LRP1B: variants seen among roughly 807,000 people sequenced by gnomAD.
LRP1B encodes LDL receptor related protein 1B.
In LRP1B, 217 loss-of-function variants were observed where a neutral mutation model predicts 556.6. The observed-to-expected ratio is 0.39, with a 90% CI of 0.35 to 0.44. The LOEUF (loss-of-function observed/expected upper bound fraction) is 0.44. LRP1B is among the 20% of genes least tolerant of loss of function. The pLI is 1.00. For synonymous variants in LRP1B, 2,047 were observed against 1,865.8 expected, an observed-to-expected ratio of 1.10 and a Z score of -2.50; for missense variants, 5,053 against 5,620.8, an observed-to-expected ratio of 0.90 and a Z score of 3.23.
In LRP1B at chr2:140,446,653, T is replaced by C. The variant is rs111725964; in HGVS notation, c.10058-1974A>G. On this transcript the variant is annotated intron_variant, in intron 63 of 90. Coordinates refer to ENST00000389484, the MANE Select transcript of LRP1B (RefSeq NM_018557.3). ...AAGCTGTTAACCCATCAACTACAAG[T>C]AAAAGCCTATTTGCTCTACTAAAAG... 5.0e-3 allele frequency among the ~76,000 whole-genome samples: 760 copies of C among 152,052 alleles called. 9 individuals carry two copies. The highest frequency in any genetic ancestry group is 0.016 in the African/African-American group (655 of 41,498).
At chr2:140,794,618 C>CT (rs113754359) in intron 32 of LRP1B, among the ~76,000 whole-genome samples, 12,316 of 144,002 alleles carry the variant, frequency 0.086, 570 homozygotes, top group African/African-American at 0.13. Context: ...TAGCCACTTT[C>CT]TTTTTTTTTT....
At chr2:140,555,591 A>G (rs1277102228) in intron 43 of LRP1B, among the ~76,000 whole-genome samples, 1 of 152,152 alleles carries the variant, frequency 6.6e-6, no homozygotes, top group Non-Finnish European at 1.5e-5. Context: ...TGAATATTGT[A>G]GGAGTTAAAT....
intron 86 of LRP1B, among the ~76,000 whole-genome samples, chr2:140,265,960 C>G (rs10469592): frequency 0.96 from 146,719 of 152,086 alleles, 71,007 homozygotes; most frequent in Middle Eastern, 1. Flanking sequence ...GTAAAACAAG[C>G]ATAATCTTAC....
intron 2 of LRP1B, among the ~76,000 whole-genome samples, chr2:141,620,010 T>C (rs927062329): frequency 2.6e-5 from 4 of 152,176 alleles, no homozygotes; most frequent in Admixed American, 6.5e-5. Context: ...CTGGAGAGCG[T>C]GGTGCAATCA....
At chr2:142,091,742 T>A (rs985495381) in intron 1 of LRP1B, among the ~76,000 whole-genome samples, 3 of 152,194 alleles carry the variant, frequency 2.0e-5, no homozygotes, top group Non-Finnish European at 4.4e-5. Flanking sequence ...AGACGTATCA[T>A]AATTGGTCTA....
At chr2:141,496,822 G>A (rs966011349) in intron 2 of LRP1B, among the ~76,000 whole-genome samples, 3 of 151,918 alleles carry the variant, frequency 2.0e-5, no homozygotes, top group African/African-American at 4.8e-5. Flanking sequence ...TATAAAATGT[G>A]AGAAATTATG....
At chr2:140,629,767 C>T (rs1319906591) in intron 41 of LRP1B, among the ~76,000 whole-genome samples, 1 of 152,160 alleles carries the variant, frequency 6.6e-6, no homozygotes, top group Non-Finnish European at 1.5e-5. Flanking sequence ...CAGATATTAC[C>T]TCTCTGGAAT....
At chr2:140,668,767 T>C (rs1365053505) in intron 41 of LRP1B, among the ~76,000 whole-genome samples, 1 of 151,076 alleles carries the variant, frequency 6.6e-6, no homozygotes, top group Non-Finnish European at 1.5e-5. Flanking sequence ...AAGTAGTTTC[T>C]AAAAACTAGG....
At chr2:141,673,921 CAAA>C (rs1196763074) in intron 2 of LRP1B, among the ~76,000 whole-genome samples, 1 of 151,830 alleles carries the variant, frequency 6.6e-6, no homozygotes, top group African/African-American at 2.4e-5. Context: ...GTGAGAGCTG[CAAA>C]TTTAAAAATA....
At chr2:141,267,336 T>C (rs12619398) in intron 3 of LRP1B, among the ~76,000 whole-genome samples, 42,075 of 152,002 alleles carry the variant, frequency 0.28, 6,336 homozygotes, top group Middle Eastern at 0.44. Flanking sequence ...GATTCTGATC[T>C]AGCAAATATC....
chr2:140,378,087 G>T, intron 68 of LRP1B, 93 bp downstream of exon 68: 1 of 776,100 alleles, frequency 1.3e-6, no homozygotes, highest in Non-Finnish European at 2.1e-6. Flanking sequence ...GTATTTCTGA[G>T]CTGTCCTTGC....
At chr2:141,061,658 A>T (rs1346846548) in intron 8 of LRP1B, among the ~76,000 whole-genome samples, 2 of 151,852 alleles carry the variant, frequency 1.3e-5, no homozygotes, top group Non-Finnish European at 2.9e-5. Context: ...TGTTAGCAAA[A>T]TATCTCCAAC....
chr2:140,764,652 G>T (rs1689039605), intron 35 of LRP1B, among the ~76,000 whole-genome samples: 1 of 152,114 alleles, frequency 6.6e-6, no homozygotes, highest in Non-Finnish European at 1.5e-5. Context: ...TAGAGTTCTA[G>T]GTTCACAGCA....
At chr2:141,007,809 C>A (rs1697622457) in intron 14 of LRP1B, among the ~76,000 whole-genome samples, 2 of 151,540 alleles carry the variant, frequency 1.3e-5, no homozygotes, top group African/African-American at 2.4e-5. Flanking sequence ...ATGCCTCATA[C>A]CATTCTAAAT....
chr2:140,770,842 G>C (rs1326964873), intron 34 of LRP1B, 39 bp downstream of exon 34: 6 of 1,500,026 alleles, frequency 4.0e-6, no homozygotes, highest in Non-Finnish European at 5.3e-6. Context: ...GATTAGTGAA[G>C]TAAATGAACC....
At chr2:141,510,899 CACACACACA>C (rs753432505) in intron 2 of LRP1B, among the ~76,000 whole-genome samples, 8,819 of 54,260 alleles carry the variant, frequency 0.16, 404 homozygotes, top group African/African-American at 0.23. Context: ...CACACACACA[CACACACACA>C]CCCCACACAA....
chr2:142,006,743 TAGAA>T (rs374572130), intron 1 of LRP1B, among the ~76,000 whole-genome samples: 9 of 152,262 alleles, frequency 5.9e-5, no homozygotes, highest in South Asian at 2.1e-4. Flanking sequence ...TTTTAAAACA[TAGAA>T]AGACTGGACC....
At chr2:141,788,752 C>T (rs4520976) in intron 2 of LRP1B, among the ~76,000 whole-genome samples, 89,638 of 147,792 alleles carry the variant, frequency 0.61, 27,930 homozygotes, top group African/African-American at 0.77. Context: ...TGTGTTCTCA[C>T]TGTTCAATTC....
chr2:140,402,447 C>T (rs889635398), intron 66 of LRP1B, among the ~76,000 whole-genome samples: 1 of 152,216 alleles, frequency 6.6e-6, no homozygotes, highest in African/African-American at 2.4e-5. Context: ...CTGTAGACTG[C>T]CTTCACAGTG....
Sources: gnomAD v4.1 joint callset for allele counts (sites outside exome capture counted in the v4.1 genomes callset) on GRCh38, gnomAD v4.1.1 for gene constraint, MANE v1.5 for transcripts, NCBI Gene and HGNC (gene_info 2026-07-23, HGNC 2026-07-21) for gene names.